COL11A1: variants seen among roughly 807,000 people sequenced by gnomAD.
COL11A1 encodes collagen alpha-1(XI) chain.
COL11A1 carries 74 observed loss-of-function variants against 265.2 expected under a neutral mutation model. The observed-to-expected ratio is 0.28, with a 90% CI of 0.23 to 0.34. The LOEUF (loss-of-function observed/expected upper bound fraction) is 0.34. Among genes scored for constraint, COL11A1 ranks in the 10% least tolerant of loss-of-function variants. COL11A1 has a pLI of 1.00. For synonymous variants in COL11A1, 816 were observed against 727.6 expected (o/e 1.12, Z -1.96); for missense variants, 2,165 against 2,263.6 (o/e 0.96, Z 0.88).
intron 24 of COL11A1, chr1:103,001,117 AG>A (rs546137838): frequency 5.6e-4 from 224 of 397,450 alleles, no homozygotes; most frequent in African/African-American, 4.2e-3. Flanking sequence ...GCTAGGTCTG[AG>A]GGGGTGGAAA....
chr1:103,048,592 A>G (rs189202069), intron 4 of COL11A1, among the ~76,000 whole-genome samples: 1 of 151,830 alleles, frequency 6.6e-6, no homozygotes, highest in Admixed American at 6.6e-5. Context: ...GTGTGTCTCT[A>G]TTTCCTTCAG....
intron 4 of COL11A1, among the ~76,000 whole-genome samples, chr1:103,072,016 G>T (rs1197452787): frequency 1.3e-5 from 2 of 151,492 alleles, no homozygotes; most frequent in Non-Finnish European, 2.9e-5. Flanking sequence ...AGAGAAGGTT[G>T]AATATTAAGC....
intron 41 of COL11A1, among the ~76,000 whole-genome samples, chr1:102,956,237 TC>T (rs948607795): frequency 4.4e-4 from 67 of 152,288 alleles, no homozygotes; most frequent in Middle Eastern, 6.8e-3. Flanking sequence ...CAGCTTCAAT[TC>T]AAACATAATT....
intron 36 of COL11A1, among the ~76,000 whole-genome samples, chr1:102,970,671 A>G (rs1661880775): frequency 6.6e-6 from 1 of 152,092 alleles, no homozygotes; most frequent in African/African-American, 2.4e-5. Flanking sequence ...AACTTGGATA[A>G]CAGAGAGAAA....
At chr1:103,088,363 A>G (rs1673040082) in intron 1 of COL11A1, among the ~76,000 whole-genome samples, 1 of 152,184 alleles carries the variant, frequency 6.6e-6, no homozygotes, top group South Asian at 2.1e-4. Context: ...TTTTGTCAGA[A>G]CTAAATTGGT....
chr1:102,930,009 T>C (rs1393916152), intron 46 of COL11A1, among the ~76,000 whole-genome samples: 4 of 152,184 alleles, frequency 2.6e-5, no homozygotes, highest in African/African-American at 7.2e-5. Flanking sequence ...AATGGGGTTT[T>C]CTAGATATAC....
chr1:102,909,497 A>T (rs1206967675), intron 54 of COL11A1, among the ~76,000 whole-genome samples: 3 of 152,062 alleles, frequency 2.0e-5, no homozygotes, highest in Non-Finnish European at 2.9e-5. Flanking sequence ...AAATAACTAA[A>T]TTTTTTTGTA....
At chr1:103,084,271 C>T (rs1672679397) in intron 1 of COL11A1, among the ~76,000 whole-genome samples, 1 of 152,106 alleles carries the variant, frequency 6.6e-6, no homozygotes, top group Admixed American at 6.6e-5. Flanking sequence ...CCCCTGACAA[C>T]CTCTTATATA....
chr1:103,074,573 C>T (rs1671826994), intron 4 of COL11A1, 45 bp downstream of exon 4: 3 of 1,601,410 alleles, frequency 1.9e-6, no homozygotes, highest in South Asian at 1.1e-5. Context: ...TAACCCAGTT[C>T]ATCTGATTTG....
At chr1:102,958,844 G>T (rs1295875465) in intron 41 of COL11A1, among the ~76,000 whole-genome samples, 1 of 152,074 alleles carries the variant, frequency 6.6e-6, no homozygotes, top group Admixed American at 6.6e-5. Context: ...AATATTTCTG[G>T]TTTTTGTTTG....
At chr1:102,890,610 T>C in intron 57 of COL11A1, 106 bp from the exon 58 acceptor site, 2 of 859,700 alleles carry the variant, frequency 2.3e-6, no homozygotes, top group South Asian at 3.6e-5. Flanking sequence ...AATACGGAGT[T>C]GAAAATAGTA....
In COL11A1 at chr1:103,101,515, T is replaced by C. The variant is rs143591525; in HGVS notation, c.106+6558A>G. On this transcript the variant is annotated intron_variant, in intron 1 of 66. Coordinates refer to ENST00000370096, the MANE Select transcript of COL11A1 (RefSeq NM_001854.4). ...TTCTGGCAGTCATCCTTTCAGGGAG[T>C]CTATGTGAAAATCTGAGTGAGGAAG... Among the ~76,000 whole-genome samples, 419 of 151,902 alleles carry C rather than the reference T, an allele frequency of 2.8e-3. 5 individuals carry two copies. The highest frequency in any genetic ancestry group is 9.5e-3 in the African/African-American group (393 of 41,448).
chr1:102,984,003 T>A (rs1570942034), intron 31 of COL11A1, 135 bp downstream of exon 31: 1 of 658,022 alleles, frequency 1.5e-6, no homozygotes, highest in Non-Finnish European at 2.6e-6. Flanking sequence ...GTCCACACAC[T>A]CTATGATTTT....
intron 7 of COL11A1, among the ~76,000 whole-genome samples, chr1:103,024,589 T>C (rs960688892): frequency 7.9e-5 from 12 of 152,134 alleles, no homozygotes; most frequent in Non-Finnish European, 1.8e-4. Flanking sequence ...AGAATATTGC[T>C]ATAATCATAG....
In COL11A1 at chr1:103,082,922, C is replaced by T. The variant is rs1230337575; in HGVS notation, c.157G>A (p.Gly53Arg). 9.3e-6 allele frequency: 15 copies of T among 1,612,986 alleles called. No homozygotes were observed. Among genetic ancestry groups the T allele is most frequent in the Non-Finnish European group, 1.3e-5 (15 of 1,179,592 alleles). The change falls in exon 2 of 67, where the codon GGA becomes AGA. Residue 53 changes from glycine to arginine, a missense_variant. Transcript: ENST00000370096. ...KALDFHNSPE[G>R]ISKTTGFCTN... ...CAAAATCCCGTTGTTTTTGATATTC[C>T]CTCTGGAGAATTGTGAAAATCTAGT...
intron 1 of COL11A1, among the ~76,000 whole-genome samples, chr1:103,101,652 T>C (rs1674281694): frequency 6.6e-6 from 1 of 151,832 alleles, no homozygotes; most frequent in Non-Finnish European, 1.5e-5. Flanking sequence ...ACTCAAGTTC[T>C]ATGAATAGGG....
chr1:102,980,718 A>T (rs1662956485), intron 31 of COL11A1, among the ~76,000 whole-genome samples: 1 of 152,090 alleles, frequency 6.6e-6, no homozygotes, highest in Non-Finnish European at 1.5e-5. Context: ...CAAGTGATAC[A>T]TGGCTCCTCT....
chr1:103,077,028 G>A (rs79219852), intron 3 of COL11A1, among the ~76,000 whole-genome samples: 1,598 of 152,042 alleles, frequency 0.011, 28 homozygotes, highest in African/African-American at 0.037. Context: ...TAAAAGTATA[G>A]GACCTACCTA....
rs756352775 is a variant in COL11A1, at chr1:103,015,730, G to A, written c.1426C>T (p.Arg476Cys). 6.7e-5 allele frequency: 108 copies of A among 1,604,128 alleles called. No individual in the cohort carries two copies. Among genetic ancestry groups the A allele is most frequent in the Non-Finnish European group, 8.6e-5 (101 of 1,174,360 alleles). Residue 476 changes from arginine to cysteine, a missense_variant, in exon 12 of 67, where the codon CGT becomes TGT. Transcript: ENST00000370096. The part of the protein sequence containing the change: ...GDPGDRGPPG[R>C]PGLPGADGLP... ...CCATCAGCCCCTGGTAAGCCAGGACGTCCTGGGGGGCCCTAGAAAAATAAA... is the reference window on the plus strand; with the variant it reads ...CCATCAGCCCCTGGTAAGCCAGGACATCCTGGGGGGCCCTAGAAAAATAAA...
Sources: allele counts gnomAD v4.1 joint callset (sites outside exome capture counted in the v4.1 genomes callset), GRCh38; gene constraint gnomAD v4.1.1; transcripts MANE v1.5; gene names NCBI Gene and HGNC (gene_info 2026-07-23, HGNC 2026-07-21).